The following KBTBD2 variants were observed in gnomAD, a reference collection of about 807,000 sequenced individuals.
KBTBD2 encodes kelch repeat and BTB domain-containing protein 2.
A neutral mutation model predicts 57.1 loss-of-function variants in KBTBD2; 17 were observed. That is an observed-to-expected ratio of 0.30 (90% CI 0.20 to 0.45). The LOEUF is 0.45. KBTBD2 is among the 20% of genes least tolerant of loss of function. The pLI, the probability that KBTBD2 is intolerant of heterozygous loss-of-function variation, is 1.00. For missense variants in KBTBD2, 515 were observed against 750.6 expected, an observed-to-expected ratio of 0.69 and a Z score of 3.67; for synonymous variants, 267 against 262.7, an observed-to-expected ratio of 1.02 and a Z score of -0.16.
At chr7:32,885,932 A>G (rs1463245363) in intron 1 of KBTBD2, among the ~76,000 whole-genome samples, 16 of 148,940 alleles carry the variant, frequency 1.1e-4, no homozygotes, top group African/African-American at 3.2e-4. Context: ...TTTTAAAGAC[A>G]GAGTCTCGCT....
rs763245946 is a variant in KBTBD2, at chr7:32,879,589, C to G, written c.16G>C (p.Glu6Gln). The part of the protein sequence containing the change: MSTQD[E>Q]RQINTEYAVS... ...GCATATTCAGTATTGATCTGCCTCT[C>G]GTCTTGAGTGGACATGACTGTATTC... The change falls in exon 2 of 4, where the codon GAG (glutamate) becomes CAG (glutamine). Residue 6 changes from glutamate to glutamine, a missense_variant. Coordinates refer to ENST00000304056, the MANE Select transcript of KBTBD2 (RefSeq NM_015483.3). 8.7e-6 allele frequency: 14 copies of G among 1,612,974 alleles called. No individual in the cohort carries two copies. The highest frequency in any genetic ancestry group is 4.0e-5 in the African/African-American group (3 of 74,884).
At chr7:32,878,928 T>C (rs781310020) in intron 2 of KBTBD2, among the ~76,000 whole-genome samples, 2 of 152,208 alleles carry the variant, frequency 1.3e-5, no homozygotes, top group South Asian at 2.1e-4. Context: ...AGTTATTAAA[T>C]ATTTAAATCT....
Position 32,879,860 on chromosome 7 carries a change from T to C in KBTBD2, c.-256A>G. On this transcript the variant is annotated 5_prime_UTR_variant, in exon 2 of 4. Coordinates refer to ENST00000304056, the MANE Select transcript of KBTBD2 (RefSeq NM_015483.3). ...CAGACATTGTGCTCAAATCTGCAAT[T>C]GTGCAGCTCATGAGTGAAAGAGAAA... 2.6e-6 allele frequency: 1 copy of C among 388,768 alleles called. No individual in the cohort carries two copies. Among genetic ancestry groups the C allele is most frequent in the Non-Finnish European group, 4.6e-6 (1 of 216,926 alleles). 24.1% of individuals were successfully genotyped at this position (388,768 alleles called of 1,614,324 possible).
In KBTBD2 at chr7:32,869,366, C is replaced by A; in HGVS notation, c.1851G>T (p.Met617Ile). The A allele has an allele frequency of 6.2e-7, 1 of 1,611,338 alleles. No homozygotes were observed. The highest frequency in any genetic ancestry group is 1.1e-5 in the South Asian group (1 of 90,670). Residue 617 changes from methionine to isoleucine, a missense_variant, in exon 4 of 4, where the codon ATG becomes ATT. Met to Ile is a conservative substitution (Grantham distance 10). Coordinates refer to ENST00000304056, the MANE Select transcript of KBTBD2 (RefSeq NM_015483.3). ...CCCACTATACAGGTGGTAGTGCAAC[C>A]ATTTCTCCATCCAGTTCAAACTCTT... Reference protein sequence around the residue: ...GTEEFELDGEMVALPPV With the variant: ...GTEEFELDGEIVALPPV
At chr7:32,875,689 T>C (rs1445084308) in intron 2 of KBTBD2, among the ~76,000 whole-genome samples, 1 of 152,196 alleles carries the variant, frequency 6.6e-6, no homozygotes, top group Non-Finnish European at 1.5e-5. Flanking sequence ...CTTATATTCA[T>C]ACCATGAAAT....
intron 1 of KBTBD2, among the ~76,000 whole-genome samples, chr7:32,889,646 TTAAG>T (rs1481584728): frequency 2.0e-5 from 3 of 152,168 alleles, no homozygotes; most frequent in African/African-American, 4.8e-5. Flanking sequence ...ACTGAGTTAT[TTAAG>T]TATCAGTTGG....
intron 1 of KBTBD2, among the ~76,000 whole-genome samples, chr7:32,886,539 G>A (rs1045631549): frequency 2.0e-5 from 3 of 152,098 alleles, no homozygotes; most frequent in African/African-American, 4.8e-5. Flanking sequence ...ACAGGTTATC[G>A]AAAATACTAC....
At chr7:32,880,445 A>C (rs1436372220) in intron 1 of KBTBD2, among the ~76,000 whole-genome samples, 1 of 152,096 alleles carries the variant, frequency 6.6e-6, no homozygotes, top group African/African-American at 2.4e-5. Flanking sequence ...CAAACTGTTA[A>C]TTTTCAAATT....
At position 32,868,181 on chromosome 7, in the gene KBTBD2, T is replaced by C. The variant is rs532486411; in HGVS notation, c.*1164A>G. 1 of 152,640 alleles carries C rather than the reference T, an allele frequency of 6.6e-6. No homozygotes were observed. Among genetic ancestry groups the C allele is most frequent in the African/African-American group, 2.4e-5 (1 of 41,446 alleles). 9.5% of individuals were successfully genotyped at this position (152,640 alleles called of 1,614,324 possible). ...AAAAGAAAAATAGATATTGAATATA[T>C]ACAATTTATTTAATAAATTAATGTC... On this transcript the variant is annotated 3_prime_UTR_variant, in exon 4 of 4. Transcript: ENST00000304056.
At chr7:32,884,958 ATATG>A (rs1318353120) in intron 1 of KBTBD2, among the ~76,000 whole-genome samples, 1 of 144,236 alleles carries the variant, frequency 6.9e-6, no homozygotes, top group East Asian at 2.1e-4. Flanking sequence ...TTTTATATAT[ATATG>A]TGTGTATGTG....
At chr7:32,877,973 ATGG>A (rs778453847) in intron 2 of KBTBD2, among the ~76,000 whole-genome samples, 4 of 151,878 alleles carry the variant, frequency 2.6e-5, no homozygotes, top group Non-Finnish European at 5.9e-5. Context: ...TTAGCCGGGC[ATGG>A]TGGTGTGTGC....
rs937361682 is a variant in KBTBD2 at position 32,891,752 on chromosome 7, G to C, written c.-555C>G. The C allele has an allele frequency of 1.3e-5, 2 of 151,566 alleles. No homozygotes were observed. Among genetic ancestry groups the C allele is most frequent in the Non-Finnish European group, 2.9e-5 (2 of 67,820 alleles). The allele number at this position is 151,566 out of a possible 1,614,324, so 9.4% of individuals were successfully genotyped here. Reference sequence around the variant, plus strand: ...CTTGGTCCGTCCAGCGCGGAAAGCAGCGTCCTCTGCGGGCGCCGCCGCACG... The same window carrying C: ...CTTGGTCCGTCCAGCGCGGAAAGCACCGTCCTCTGCGGGCGCCGCCGCACG... On this transcript the variant is annotated 5_prime_UTR_variant, in exon 1 of 4. Transcript: ENST00000304056.
intron 1 of KBTBD2, among the ~76,000 whole-genome samples, chr7:32,890,821 T>TA (rs911705984): frequency 6.6e-5 from 10 of 152,184 alleles, no homozygotes; most frequent in African/African-American, 2.2e-4. Context: ...GTAGAGTTCT[T>TA]AGATAGCTAA....
Position 32,869,151 on chromosome 7 carries a change from T to C in KBTBD2, c.*194A>G, listed in dbSNP as rs541974001. On this transcript the variant is annotated 3_prime_UTR_variant, in exon 4 of 4. Transcript: ENST00000304056. ...CAATTATTGAATAATCTATTTCATA[T>C]TATGGAAGCATATCTTTCTGTAAGA... is the stretch of plus-strand genomic sequence containing the variant. 3.9e-6 allele frequency: 2 copies of C among 511,812 alleles called. No homozygotes were observed. The highest frequency in any genetic ancestry group is 3.8e-5 in the African/African-American group (2 of 52,528). 31.7% of individuals were successfully genotyped at this position (511,812 alleles called of 1,614,324 possible). A position where few individuals can be genotyped will look rare whatever the true frequency, so the allele number is the denominator to read the frequency against.
chr7:32,870,110 G>T lies in KBTBD2; in HGVS notation c.1107C>A (p.Val369=), dbSNP rs774791179. ...TWFPKTPMLF[V]RIKPSLVCCE... The stretch of plus-strand genomic sequence containing the variant: ...AGCAAACCAAAGATGGCTTTATGCG[G>T]ACAAAAAGCATTGGGGTCTTTGGAA... The change falls in exon 4 of 4, where the codon GTC becomes GTA. Residue 369 remains valine (V), a synonymous_variant. Transcript: ENST00000304056. The T allele has an allele frequency of 3.1e-6, 5 of 1,614,152 alleles. No homozygotes were observed. The South Asian group carries it at 5.5e-5, about 18-fold the overall frequency.
chr7:32,880,172 T>C (rs1365316295), intron 1 of KBTBD2, among the ~76,000 whole-genome samples: 1 of 152,146 alleles, frequency 6.6e-6, no homozygotes, highest in Non-Finnish European at 1.5e-5. Context: ...CTATACAAAA[T>C]ATAACTGTCA....
intron 1 of KBTBD2, among the ~76,000 whole-genome samples, chr7:32,889,130 G>A (rs531626769): frequency 1.9e-4 from 29 of 151,866 alleles, no homozygotes; most frequent in Non-Finnish European, 4.1e-4. Flanking sequence ...TGGCTAACAC[G>A]GTGAAACCCC....
chr7:32,869,098 T>A lies in KBTBD2; in HGVS notation c.*247A>T. On this transcript the variant is annotated 3_prime_UTR_variant, in exon 4 of 4. Transcript: ENST00000304056. ...CAATGTTAGATAATCCAGATTCTTA[T>A]ACTCTCATGATTACACATAAAGTTT... The A allele has an allele frequency of 2.5e-6, 1 of 395,134 alleles. No homozygotes were observed. Among genetic ancestry groups the A allele is most frequent in the Non-Finnish European group, 4.5e-6 (1 of 221,128 alleles). 24.5% of individuals were successfully genotyped at this position (395,134 alleles called of 1,614,324 possible).
chr7:32,880,019 A>G (rs1784408893), intron 1 of KBTBD2, 77 bp from the exon 2 acceptor site: 1 of 153,354 alleles, frequency 6.5e-6, no homozygotes, highest in Non-Finnish European at 1.5e-5. Context: ...TGGCAGCCTT[A>G]AATAGAAATC....
Sources: allele counts gnomAD v4.1 joint callset (sites outside exome capture counted in the v4.1 genomes callset), GRCh38; gene constraint gnomAD v4.1.1; transcripts MANE v1.5; gene names NCBI Gene and HGNC (gene_info 2026-07-23, HGNC 2026-07-21).